Variants in MMP24 observed in about 807,000 individuals in gnomAD.
The protein encoded by MMP24 is matrix metalloproteinase-24.
MMP24 carries 25 observed loss-of-function variants against 62.8 expected under a neutral mutation model. The ratio of observed to expected loss-of-function variants is 0.40; its 90% CI spans 0.29 to 0.56. The LOEUF (loss-of-function observed/expected upper bound fraction) is 0.56, where lower values mean the gene tolerates loss of function less well. MMP24 is among the 20% of genes least tolerant of loss of function. The pLI is 0.50. For missense variants in MMP24, 634 were observed against 853.6 expected (o/e 0.74, Z 3.21); for synonymous variants, 319 against 350.5 (o/e 0.91, Z 1.00).
chr20:35,266,175 TAAAAAAAAA>T (rs35806814), intron 5 of MMP24, among the ~76,000 whole-genome samples: 37 of 43,034 alleles, frequency 8.6e-4, no homozygotes, highest in African/African-American at 3.4e-3. Flanking sequence ...CCATCTCTGC[TAAAAAAAAA>T]AAAAAAAAAA....
intron 2 of MMP24, among the ~76,000 whole-genome samples, chr20:35,249,650 G>A (rs1172623289): frequency 1.3e-5 from 2 of 151,528 alleles, no homozygotes; most frequent in African/African-American, 4.8e-5. Flanking sequence ...GTGCAGTGGC[G>A]GGATCTCGGC....
intron 4 of MMP24, among the ~76,000 whole-genome samples, chr20:35,262,564 G>A (rs894795891): frequency 1.2e-4 from 18 of 150,710 alleles, no homozygotes; most frequent in African/African-American, 3.0e-4. Context: ...GTTTTATACC[G>A]AGACATTCCA....
chr20:35,263,591 G>A (rs2060615676), intron 4 of MMP24, 200 bp from the exon 5 acceptor site: 6 of 429,916 alleles, frequency 1.4e-5, no homozygotes, highest in Non-Finnish European at 2.5e-5. Context: ...TGCCTCACTT[G>A]TCACTCTCTC....
intron 1 of MMP24, among the ~76,000 whole-genome samples, chr20:35,244,698 C>T (rs6060319): frequency 3.3e-5 from 5 of 152,314 alleles, no homozygotes; most frequent in African/African-American, 1.2e-4. Context: ...CCTTGGCCTT[C>T]CAAAGTGCTG....
At chr20:35,252,064 C>A (rs1235981933) in intron 3 of MMP24, 43 bp downstream of exon 3, 1 of 1,483,350 alleles carries the variant, frequency 6.7e-7, no homozygotes, top group East Asian at 2.3e-5. Flanking sequence ...TGGCTCCACC[C>A]TCACTCTGTT....
intron 7 of MMP24, among the ~76,000 whole-genome samples, chr20:35,270,124 G>A (rs2060660656): frequency 6.6e-6 from 1 of 152,176 alleles, no homozygotes; most frequent in South Asian, 2.1e-4. Context: ...AGTAGAGTGT[G>A]GGACAAGCAA....
At chr20:35,229,766 C>A (rs2060429935) in intron 1 of MMP24, among the ~76,000 whole-genome samples, 1 of 152,076 alleles carries the variant, frequency 6.6e-6, no homozygotes, top group South Asian at 2.1e-4. Flanking sequence ...TCTCCTTTAC[C>A]CTTAGACAGG....
intron 4 of MMP24, among the ~76,000 whole-genome samples, chr20:35,257,238 TGTTAAA>T (rs1200484418): frequency 6.6e-6 from 1 of 152,242 alleles, no homozygotes; most frequent in African/African-American, 2.4e-5. Flanking sequence ...GTCATGAACC[TGTTAAA>T]TTGTTCTTTG....
intron 4 of MMP24, among the ~76,000 whole-genome samples, chr20:35,262,302 T>A (rs1022162681): frequency 1.3e-5 from 2 of 152,148 alleles, no homozygotes; most frequent in African/African-American, 2.4e-5. Context: ...TATTTATTCA[T>A]CATTTGTGGG....
At position 35,274,347 on chromosome 20, in the gene MMP24, C is replaced by T. The variant is rs2060690935; in HGVS notation, c.1676C>T (p.Pro559Leu). 3.1e-6 allele frequency: 5 copies of T among 1,613,894 alleles called. No individual in the cohort carries two copies. Among genetic ancestry groups the T allele is most frequent in the East Asian group, 2.2e-5 (1 of 44,878 alleles). ...NQKLSVEPGYPRNILRDWMGC... is the reference protein window; with the variant it reads ...NQKLSVEPGYLRNILRDWMGC... ...AAACTGAGCGTGGAGCCAGGCTACC[C>T]GCGCAACATCCTGCGTGACTGGATG... The change falls in exon 9 of 9, where the codon CCG (proline) becomes CTG (leucine). Residue 559 changes from proline to leucine, a missense_variant. By Grantham distance (98) the Pro-to-Leu change is moderately conservative. Coordinates refer to ENST00000246186, the MANE Select transcript of MMP24 (RefSeq NM_006690.4). This position sits in a 1 kb window ranked among gnomAD's most constrained non-coding sequence, Gnocchi z 5.1.
rs2060693121 is a variant in MMP24 at position 35,274,604 on chromosome 20, G to A, written c.1933G>A (p.Val645Met). The change falls in exon 9 of 9, where the codon GTG becomes ATG. Residue 645 changes from valine (V) to methionine (M), a missense_variant. Physicochemically the swap from Val to Met is conservative, Grantham distance 21 (BLOSUM62 1). Coordinates refer to ENST00000246186, the MANE Select transcript of MMP24 (RefSeq NM_006690.4). This position sits in a 1 kb window ranked among gnomAD's most constrained non-coding sequence, Gnocchi z 5.1. ...TYYKRPVQEW[V>M] ...CTATAAGCGGCCAGTCCAGGAATGG[G>A]TGTGAGCAGCCCAGAGCCCTCTCTA... The A allele has an allele frequency of 1.9e-6, 3 of 1,607,582 alleles. No homozygotes were observed. The highest frequency in any genetic ancestry group is 2.2e-5 in the East Asian group (1 of 44,630).
At chr20:35,243,820 G>A (rs1239978009) in intron 1 of MMP24, among the ~76,000 whole-genome samples, 1 of 152,126 alleles carries the variant, frequency 6.6e-6, no homozygotes, top group East Asian at 1.9e-4. Context: ...AAAAATATTA[G>A]GCAGAGGAAA....
At position 35,276,573 on chromosome 20, in the gene MMP24, C is replaced by T. The variant is rs973313318; in HGVS notation, c.*1964C>T. ...AGATGAGAAGTGTCTCCTGTATCCA[C>T]CTCTTCCTGGCCTCCCTTCCCCCAC... On this transcript the variant is annotated 3_prime_UTR_variant, in exon 9 of 9. Coordinates refer to ENST00000246186, the MANE Select transcript of MMP24 (RefSeq NM_006690.4). The T allele has an allele frequency of 4.3e-5, 14 of 322,552 alleles. No homozygotes were observed. Among genetic ancestry groups the T allele is most frequent in the Admixed American group, 5.0e-5 (1 of 20,002 alleles). The allele number at this position is 322,552 out of a possible 1,614,324, so 20.0% of individuals were successfully genotyped here.
intron 1 of MMP24, among the ~76,000 whole-genome samples, chr20:35,236,964 A>G (rs1053204841): frequency 1.2e-4 from 17 of 139,656 alleles, no homozygotes; most frequent in Non-Finnish European, 2.3e-4. Flanking sequence ...ACAGAGCGAG[A>G]CACCATCTCA....
In MMP24 at chr20:35,274,065, G is replaced by A. The variant is rs770769754; in HGVS notation, c.1601-207G>A. ...AAGCCCCTCTGGTTTCCTAGCACCC[G>A]TAGGATGACAGGCGGACCACTCCAG... On this transcript the variant is annotated intron_variant, in intron 8 of 8. Coordinates refer to ENST00000246186, the MANE Select transcript of MMP24 (RefSeq NM_006690.4). This position sits in a 1 kb window ranked among gnomAD's most constrained non-coding sequence, Gnocchi z 5.1. 4.1e-4 allele frequency among the ~76,000 whole-genome samples: 63 copies of A among 152,244 alleles called. No homozygotes were observed. Among genetic ancestry groups the A allele is most frequent in the Non-Finnish European group, 6.5e-4 (44 of 68,002 alleles).
rs1210134916 is a variant in MMP24, at chr20:35,274,335, A to T, written c.1664A>T (p.Glu555Val). Residue 555 changes from glutamate to valine, a missense_variant, in exon 9 of 9, where the codon GAG becomes GTG. Glu to Val is a moderately radical substitution (Grantham distance 121). Transcript: ENST00000246186. The surrounding 1 kb of genome is among the most constrained non-coding windows in gnomAD (Gnocchi z 5.1). ...TTTGACAACCAGAAACTGAGCGTGG[A>T]GCCAGGCTACCCGCGCAACATCCTG... ...WKFDNQKLSVEPGYPRNILRD... is the reference protein window; with the variant it reads ...WKFDNQKLSVVPGYPRNILRD... The T allele has an allele frequency of 1.9e-6, 3 of 1,613,678 alleles. No individual in the cohort carries two copies. The highest frequency in any genetic ancestry group is 2.5e-6 in the Non-Finnish European group (3 of 1,179,904).
rs34474017 is a variant in MMP24, at chr20:35,253,270, C to CTTTTTTTTTTTTTTTTTTTTTTT, written c.513-1179_513-1157dup. Among the ~76,000 whole-genome samples the CTTTTTTTTTTTTTTTTTTTTTTT allele has an allele frequency of 2.5e-5, 2 of 79,078 alleles. 1 individual carries two copies. Among genetic ancestry groups the CTTTTTTTTTTTTTTTTTTTTTTT allele is most frequent in the African/African-American group, 1.2e-4 (2 of 17,170 alleles). The allele number at this position is 79,078 out of a possible 152,430, so 51.9% of individuals were successfully genotyped here. On this transcript the variant is annotated intron_variant, in intron 3 of 8. Coordinates refer to ENST00000246186, the MANE Select transcript of MMP24 (RefSeq NM_006690.4). ...GACAAGCACTCCCTACAGAACGGGACTTTTTTTTTTTTTTTTTTTTTTTCA... is the reference window on the plus strand; with the variant it reads ...GACAAGCACTCCCTACAGAACGGGACTTTTTTTTTTTTTTTTTTTTTTTTTTTTTTTTTTTTTTTTTTTTTTCA...
rs1376236845 is a variant in MMP24, at chr20:35,247,688, T to A, written c.395+700T>A. Reference sequence around the variant, plus strand: ...GAGGGCAAGAAGCCTGACGTGATGATGTGATGCAATGTCATGATGCCACAT... The same window carrying A: ...GAGGGCAAGAAGCCTGACGTGATGAAGTGATGCAATGTCATGATGCCACAT... On this transcript the variant is annotated intron_variant, in intron 2 of 8. Coordinates refer to ENST00000246186, the MANE Select transcript of MMP24 (RefSeq NM_006690.4). Among the ~76,000 whole-genome samples the A allele has an allele frequency of 1.3e-5, 2 of 152,056 alleles. 1 individual carries two copies. The highest frequency in any genetic ancestry group is 3.9e-4 in the East Asian group (2 of 5,190).
At chr20:35,229,076 C>G (rs1379833537) in intron 1 of MMP24, among the ~76,000 whole-genome samples, 3 of 152,206 alleles carry the variant, frequency 2.0e-5, no homozygotes, top group Admixed American at 6.5e-5. Flanking sequence ...TAGCCTGGAA[C>G]ACAACACCCT....
Sources: allele counts gnomAD v4.1 joint callset (sites outside exome capture counted in the v4.1 genomes callset), GRCh38; gene constraint gnomAD v4.1.1; non-coding constraint Gnocchi (gnomAD v3.1); transcripts MANE v1.5; gene names NCBI Gene and HGNC (gene_info 2026-07-23, HGNC 2026-07-21).